GABRA3: variants seen among roughly 807,000 people sequenced by gnomAD.
GABRA3 encodes gamma-aminobutyric acid receptor subunit alpha-3.
GABRA3 carries 10 observed loss-of-function variants against 30.1 expected under a neutral mutation model. The observed-to-expected ratio is 0.33, with a 90% CI of 0.20 to 0.56. The LOEUF (loss-of-function observed/expected upper bound fraction) is 0.56, where lower values mean the gene tolerates loss of function less well. Ranked by LOEUF, GABRA3 falls within the 20% of genes least tolerant of loss-of-function variation. The pLI, the probability that GABRA3 is intolerant of heterozygous loss-of-function variation, is 0.89. For missense variants in GABRA3, 233 were observed against 392.0 expected, an observed-to-expected ratio of 0.59 and a Z score of 3.42; for synonymous variants, 151 against 146.8, an observed-to-expected ratio of 1.03 and a Z score of -0.21.
intron 4 of GABRA3, among the ~76,000 whole-genome samples, chrX:152,277,974 G>A (rs1308402670): frequency 9.0e-6 from 1 of 111,726 alleles, no homozygotes; most frequent in African/African-American, 3.3e-5. Flanking sequence ...TGAAGGCCTT[G>A]CCATTTTCCC....
At chrX:152,430,099 A>G (rs747737293) in intron 1 of GABRA3, among the ~76,000 whole-genome samples, 3 of 112,242 alleles carry the variant, frequency 2.7e-5, no homozygotes, top group Non-Finnish European at 5.6e-5. Flanking sequence ...ATTTGAGTTC[A>G]CACAGGAAAA....
At chrX:152,194,772 T>C (rs766798418) in intron 8 of GABRA3, among the ~76,000 whole-genome samples, 8 of 111,318 alleles carry the variant, frequency 7.2e-5, no homozygotes, top group African/African-American at 9.8e-5. Flanking sequence ...TCTTTAAAAA[T>C]CTTTTGAGAC....
intron 7 of GABRA3, among the ~76,000 whole-genome samples, chrX:152,203,178 G>T (rs982422139): frequency 9.0e-6 from 1 of 111,628 alleles, no homozygotes; most frequent in African/African-American, 3.3e-5. Flanking sequence ...GACATTTCCT[G>T]CAGATCTGAA....
intron 7 of GABRA3, among the ~76,000 whole-genome samples, chrX:152,205,362 C>G (rs1049841119): frequency 5.4e-5 from 6 of 111,112 alleles, no homozygotes; most frequent in African/African-American, 1.6e-4. Flanking sequence ...TCTCAATATC[C>G]TGTCTGTATC....
chrX:152,364,354 G>A, intron 2 of GABRA3, 77 bp downstream of exon 2: 1 of 1,022,394 alleles, frequency 9.8e-7, no homozygotes, highest in African/African-American at 1.9e-5. Flanking sequence ...TTCATCTGGG[G>A]GAAAACATCA....
intron 1 of GABRA3, among the ~76,000 whole-genome samples, chrX:152,449,775 C>G (rs1048199530): frequency 2.7e-5 from 3 of 111,987 alleles, no homozygotes; most frequent in Non-Finnish European, 5.6e-5. Context: ...ATTCTGGAAC[C>G]AGGTTGCCAG....
Position 152,291,171 on chromosome X carries a change from T to G in GABRA3, c.263-6436A>C, listed in dbSNP as rs373601953. 4.6e-4 allele frequency among the ~76,000 whole-genome samples: 52 copies of G among 112,013 alleles called. No homozygotes were observed. In the East Asian group the frequency reaches 0.015, roughly 32 times the overall value. On this transcript the variant is annotated intron_variant, in intron 3 of 9. Transcript: ENST00000370314. ...AGGGTAGAATGTTCTTCCATTTGTTTGTGTCCTCTTTTATTTCGTTGAGCA... is the reference window on the plus strand; with the variant it reads ...AGGGTAGAATGTTCTTCCATTTGTTGGTGTCCTCTTTTATTTCGTTGAGCA...
intron 3 of GABRA3, among the ~76,000 whole-genome samples, chrX:152,286,810 T>C (rs952443073): frequency 6.3e-5 from 7 of 111,945 alleles, no homozygotes; most frequent in African/African-American, 2.3e-4. Context: ...CTATAATCAG[T>C]TCACCAAAAT....
chrX:152,431,648 G>C (rs1015245061), intron 1 of GABRA3, among the ~76,000 whole-genome samples: 2 of 111,828 alleles, frequency 1.8e-5, no homozygotes, highest in Non-Finnish European at 3.8e-5. Context: ...CCTTATAATA[G>C]ATTATTTGGA....
chrX:152,370,264 G>C (rs1335691287), intron 1 of GABRA3, among the ~76,000 whole-genome samples: 1 of 111,680 alleles, frequency 9.0e-6, no homozygotes, highest in Non-Finnish European at 1.9e-5. Context: ...GAAACCACCA[G>C]ATACTGACAT....
intron 5 of GABRA3, among the ~76,000 whole-genome samples, chrX:152,252,146 T>C (rs1173618765): frequency 1.8e-5 from 2 of 111,129 alleles, no homozygotes; most frequent in Non-Finnish European, 3.8e-5. Context: ...TCCCTCCCTT[T>C]CATTTTTCAA....
At chrX:152,445,017 C>T (rs1931046835) in intron 1 of GABRA3, among the ~76,000 whole-genome samples, 1 of 77,048 alleles carries the variant, frequency 1.3e-5, no homozygotes, top group Non-Finnish European at 2.5e-5. Flanking sequence ...GCCGAGATCC[C>T]GCCACTGCAC....
At chrX:152,370,486 T>C (rs1279031940) in intron 1 of GABRA3, among the ~76,000 whole-genome samples, 1 of 112,188 alleles carries the variant, frequency 8.9e-6, no homozygotes, top group Non-Finnish European at 1.9e-5. Flanking sequence ...AAAAACATCT[T>C]AGTTTCAATT....
At chrX:152,280,626 T>C (rs757863361) in intron 4 of GABRA3, among the ~76,000 whole-genome samples, 13 of 111,749 alleles carry the variant, frequency 1.2e-4, no homozygotes, top group African/African-American at 2.0e-4. Flanking sequence ...ATTACTATAA[T>C]GTCTTTTTCT....
intron 1 of GABRA3, among the ~76,000 whole-genome samples, chrX:152,413,669 C>T (rs968566943): frequency 7.2e-5 from 8 of 110,789 alleles, no homozygotes; most frequent in Non-Finnish European, 9.5e-5. Flanking sequence ...TTATAAAGAA[C>T]GCCTGAAAAA....
intron 5 of GABRA3, among the ~76,000 whole-genome samples, chrX:152,234,102 G>C (rs5969874): frequency 3.0e-5 from 3 of 98,997 alleles, no homozygotes; most frequent in Non-Finnish European, 6.0e-5. Context: ...TGCTAGATGA[G>C]GAGTTAGTGG....
At chrX:152,186,181 A>G (rs1350699224) in intron 9 of GABRA3, among the ~76,000 whole-genome samples, 2 of 110,676 alleles carry the variant, frequency 1.8e-5, no homozygotes, top group East Asian at 5.7e-4. Flanking sequence ...GGTGTCTGTC[A>G]GTCCATCAGT....
intron 1 of GABRA3, among the ~76,000 whole-genome samples, chrX:152,430,380 A>G (rs1169222330): frequency 9.0e-6 from 1 of 111,288 alleles, no homozygotes; most frequent in Admixed American, 9.6e-5. Context: ...ATGGTAGGGT[A>G]GCAAAGCTAG....
chrX:152,240,689 C>T (rs1445929329), intron 5 of GABRA3, among the ~76,000 whole-genome samples: 1 of 101,321 alleles, frequency 9.9e-6, no homozygotes, highest in Non-Finnish European at 1.9e-5. Context: ...AGGCTTTGCT[C>T]ATATCTTTTT....
Sources: gnomAD v4.1 joint callset for allele counts (sites outside exome capture counted in the v4.1 genomes callset) on GRCh38, gnomAD v4.1.1 for gene constraint, MANE v1.5 for transcripts, NCBI Gene and HGNC (gene_info 2026-07-23, HGNC 2026-07-21) for gene names.